Variants in CDH12 observed in about 807,000 individuals in gnomAD.
CDH12 encodes cadherin 12.
Under a neutral mutation model 74.1 loss-of-function variants are expected in CDH12, and 41 were observed. The observed-to-expected ratio is 0.55, with a 90% CI of 0.43 to 0.72. The LOEUF is 0.72. Ranked by LOEUF, CDH12 falls within the 30% of genes least tolerant of loss-of-function variation. The probability of loss-of-function intolerance (pLI) is 0.00; values close to 1 mark genes in which losing one functional copy is unlikely to be tolerated. For missense variants in CDH12, 945 were observed against 977.2 expected, an observed-to-expected ratio of 0.97 and a Z score of 0.44; for synonymous variants, 399 against 355.0, an observed-to-expected ratio of 1.12 and a Z score of -1.39.
At chr5:21,880,572 T>TTCCCTTCCTTCCTTCC (rs1579895240) in intron 6 of CDH12, among the ~76,000 whole-genome samples, 1 of 12,954 alleles carries the variant, frequency 7.7e-5, no homozygotes, top group African/African-American at 1.5e-4. Flanking sequence ...CCCTTCTTTC[T>TTCCCTTCCTTCCTTCC]TTCCTTCCTT....
chr5:22,707,822 A>C (rs1426650030), intron 1 of CDH12, among the ~76,000 whole-genome samples: 1 of 152,138 alleles, frequency 6.6e-6, no homozygotes, highest in African/African-American at 2.4e-5. Flanking sequence ...CTAAGGTAAA[A>C]TTAGTAACAC....
chr5:21,777,903 G>T (rs1453142170), intron 11 of CDH12, among the ~76,000 whole-genome samples: 1 of 152,132 alleles, frequency 6.6e-6, no homozygotes, highest in Non-Finnish European at 1.5e-5. Context: ...AGTAAATCTA[G>T]CTAATTAACA....
chr5:21,897,330 G>A (rs771187698), intron 6 of CDH12, among the ~76,000 whole-genome samples: 6 of 152,144 alleles, frequency 3.9e-5, no homozygotes, highest in East Asian at 3.9e-4. Context: ...TCCTCCGAGC[G>A]GATGACATTT....
At chr5:22,500,642 AACTCTG>A (rs1747292862) in intron 2 of CDH12, among the ~76,000 whole-genome samples, 1 of 152,132 alleles carries the variant, frequency 6.6e-6, no homozygotes, top group South Asian at 2.1e-4. Context: ...AGGCCTTAAA[AACTCTG>A]ACATCTTTGA....
intron 2 of CDH12, among the ~76,000 whole-genome samples, chr5:22,469,518 C>A (rs1343510806): frequency 7.1e-6 from 1 of 139,944 alleles, no homozygotes; most frequent in Non-Finnish European, 1.5e-5. Context: ...AGCCATATTG[C>A]ATTAAGGCTC....
chr5:22,210,342 A>G (rs1021401748), intron 4 of CDH12, among the ~76,000 whole-genome samples: 9 of 143,484 alleles, frequency 6.3e-5, no homozygotes, highest in Non-Finnish European at 1.2e-4. Context: ...TTCAATATAG[A>G]TTAAGGAGGC....
At chr5:22,126,528 T>C (rs1745879775) in intron 4 of CDH12, among the ~76,000 whole-genome samples, 1 of 152,156 alleles carries the variant, frequency 6.6e-6, no homozygotes, top group Non-Finnish European at 1.5e-5. Context: ...TTATCTTGCA[T>C]ATAAAAAAAA....
At chr5:22,660,025 A>C (rs1740263720) in intron 1 of CDH12, among the ~76,000 whole-genome samples, 1 of 152,192 alleles carries the variant, frequency 6.6e-6, no homozygotes, top group South Asian at 2.1e-4. Flanking sequence ...TAAATGTGAA[A>C]AAAATGCATT....
chr5:22,692,726 T>A (rs1003076548), intron 1 of CDH12, among the ~76,000 whole-genome samples: 1 of 152,150 alleles, frequency 6.6e-6, no homozygotes, highest in Non-Finnish European at 1.5e-5. Flanking sequence ...AGAGAATCCT[T>A]GTATGATTCC....
intron 5 of CDH12, among the ~76,000 whole-genome samples, chr5:21,976,018 T>C (rs1299006856): frequency 6.6e-5 from 10 of 152,090 alleles, no homozygotes; most frequent in Non-Finnish European, 1.3e-4. Context: ...ACACTAAGCA[T>C]TTTCATTTGT....
At chr5:22,063,641 T>G (rs1195364087) in intron 5 of CDH12, among the ~76,000 whole-genome samples, 1 of 152,084 alleles carries the variant, frequency 6.6e-6, no homozygotes, top group South Asian at 2.1e-4. Flanking sequence ...TAATTTTATG[T>G]GTCAGTTTTG....
At chr5:21,942,740 A>T (rs1755395967) in intron 6 of CDH12, among the ~76,000 whole-genome samples, 1 of 152,112 alleles carries the variant, frequency 6.6e-6, no homozygotes, top group African/African-American at 2.4e-5. Context: ...TGGAGGTTTA[A>T]GTATGATTTA....
At chr5:21,974,113 G>A (rs1304626256) in intron 6 of CDH12, among the ~76,000 whole-genome samples, 15 of 152,298 alleles carry the variant, frequency 9.8e-5, no homozygotes, top group Non-Finnish European at 1.5e-4. Context: ...TCTGCCCTCA[G>A]GGTAGCGTGC....
intron 4 of CDH12, among the ~76,000 whole-genome samples, chr5:22,115,663 G>T (rs1180819570): frequency 6.7e-6 from 1 of 149,228 alleles, no homozygotes; most frequent in Non-Finnish European, 1.5e-5. Flanking sequence ...TTGTGACAAG[G>T]ATAGGCACAA....
chr5:22,387,771 C>T (rs1391732225), intron 3 of CDH12, among the ~76,000 whole-genome samples: 1 of 152,084 alleles, frequency 6.6e-6, no homozygotes, highest in African/African-American at 2.4e-5. Flanking sequence ...AGACCAAAAG[C>T]AGCCTCTGTT....
chr5:22,688,511 T>G (rs766915740), intron 1 of CDH12, among the ~76,000 whole-genome samples: 6 of 152,192 alleles, frequency 3.9e-5, no homozygotes, highest in Non-Finnish European at 7.4e-5. Context: ...ATTGGCCAAC[T>G]AATAGTGGAT....
chr5:22,274,336 T>G (rs1399195302), intron 3 of CDH12, among the ~76,000 whole-genome samples: 1 of 152,142 alleles, frequency 6.6e-6, no homozygotes, highest in Non-Finnish European at 1.5e-5. Flanking sequence ...TTTTAATAAT[T>G]CAATTTCACT....
chr5:22,499,583 T>A (rs932290937), intron 2 of CDH12, among the ~76,000 whole-genome samples: 1 of 152,094 alleles, frequency 6.6e-6, no homozygotes, highest in Non-Finnish European at 1.5e-5. Context: ...ACATACTTAA[T>A]CCCCATTCCA....
chr5:22,119,687 A>G (rs573412037), intron 4 of CDH12, among the ~76,000 whole-genome samples: 1 of 152,270 alleles, frequency 6.6e-6, no homozygotes, highest in Admixed American at 6.5e-5. Context: ...TCATAGCCAA[A>G]AGGACTACTG....
Sources: allele counts gnomAD v4.1 joint callset (sites outside exome capture counted in the v4.1 genomes callset), GRCh38; gene constraint gnomAD v4.1.1; transcripts MANE v1.5; gene names NCBI Gene and HGNC (gene_info 2026-07-23, HGNC 2026-07-21).